FREM2: variants seen among roughly 807,000 people sequenced by gnomAD.
FREM2 encodes the protein FRAS1 related extracellular matrix 2, also known as FRAS1-related extracellular matrix protein 2.
A neutral mutation model predicts 219.9 loss-of-function variants in FREM2; 119 were observed. That is an observed-to-expected ratio of 0.54 (90% CI 0.47 to 0.63). The LOEUF (loss-of-function observed/expected upper bound fraction) is 0.63, where lower values mean the gene tolerates loss of function less well. Ranked by LOEUF, FREM2 falls within the 30% of genes least tolerant of loss-of-function variation. The pLI is 0.00. For missense variants in FREM2, 4,030 were observed against 3,993.6 expected, an observed-to-expected ratio of 1.01 and a Z score of -0.25; for synonymous variants, 1,562 against 1,522.8, an observed-to-expected ratio of 1.03 and a Z score of -0.60.
chr13:38,734,528 A>G (rs1442190918), intron 2 of FREM2, among the ~76,000 whole-genome samples: 1 of 152,124 alleles, frequency 6.6e-6, no homozygotes, highest in Admixed American at 6.6e-5. Flanking sequence ...TCTATTTTTA[A>G]AAAAATTGTT....
chr13:38,742,833 C>G (rs1189888062), intron 2 of FREM2, among the ~76,000 whole-genome samples: 2 of 152,122 alleles, frequency 1.3e-5, no homozygotes, highest in Non-Finnish European at 2.9e-5. Context: ...TTCTACTGAA[C>G]CAACAACATG....
intron 6 of FREM2, among the ~76,000 whole-genome samples, chr13:38,824,298 CGGTGTCTAATTCTGGCTCTGTCTTATAA>C (rs1029373632): frequency 1.3e-5 from 2 of 152,018 alleles, no homozygotes; most frequent in African/African-American, 4.8e-5. Context: ...CCATATTGCT[CGGTGTCTAATTCTGGCTCTGTCTTATAA>C]GGTATATGTT....
intron 6 of FREM2, among the ~76,000 whole-genome samples, chr13:38,788,353 T>C (rs991237799): frequency 6.6e-6 from 1 of 152,094 alleles, no homozygotes. Flanking sequence ...AATAAGAAAT[T>C]TAATAAGAAA....
At chr13:38,739,602 A>G (rs1872153380) in intron 2 of FREM2, among the ~76,000 whole-genome samples, 1 of 151,780 alleles carries the variant, frequency 6.6e-6, no homozygotes, top group South Asian at 2.1e-4. Flanking sequence ...ACTCAACCAA[A>G]CTCCCAAATT....
At chr13:38,778,952 G>A (rs1013700827) in intron 4 of FREM2, among the ~76,000 whole-genome samples, 4 of 152,076 alleles carry the variant, frequency 2.6e-5, no homozygotes, top group African/African-American at 4.8e-5. Flanking sequence ...TTGAATATTT[G>A]ACTTGAATTT....
intron 6 of FREM2, among the ~76,000 whole-genome samples, chr13:38,840,644 A>ATATATATATATATGTGTG (rs1184958401): frequency 6.4e-4 from 86 of 134,314 alleles, no homozygotes; most frequent in South Asian, 2.8e-3. Flanking sequence ...ATATATATAT[A>ATATATATATATATGTGTG]TGTGTATGTA....
chr13:38,726,217 A>T (rs998470639), intron 2 of FREM2, among the ~76,000 whole-genome samples: 2 of 152,146 alleles, frequency 1.3e-5, no homozygotes, highest in African/African-American at 4.8e-5. Flanking sequence ...CTCGTTTTTA[A>T]TAATTTCAGC....
In FREM2 at chr13:38,848,581, A is replaced by G. The variant is rs2137908900; in HGVS notation, c.6290A>G (p.Lys2097Arg). 6.2e-7 allele frequency: 1 copy of G among 1,614,078 alleles called. No individual in the cohort carries two copies. Among genetic ancestry groups the G allele is most frequent in the East Asian group, 2.2e-5 (1 of 44,872 alleles). Residue 2097 changes from lysine to arginine, a missense_variant, in exon 8 of 24, where the codon AAA (lysine) becomes AGA (arginine). Physicochemically the swap from Lys to Arg is conservative, Grantham distance 26 (BLOSUM62 2). Around this residue, in one of 2 missense-constraint regions of FREM2, gnomAD observed 3,102 missense variants for 2,950.7 expected, o/e 1.05. Transcript: ENST00000280481. ...LGQPALEGIE[K>R]FELVLRMPMN... The stretch of plus-strand genomic sequence containing the variant: ...CAACCAGCGCTGGAGGGAATTGAGA[A>G]ATTTGAACTGGTGCTTCGCATGCCT...
chr13:38,836,276 A>C (rs1325151979), intron 6 of FREM2, among the ~76,000 whole-genome samples: 1 of 152,226 alleles, frequency 6.6e-6, no homozygotes, highest in East Asian at 1.9e-4. Context: ...CCAGCCTTGC[A>C]TCCCAGGGAA....
At chr13:38,827,213 C>T (rs913640724) in intron 6 of FREM2, among the ~76,000 whole-genome samples, 2 of 151,996 alleles carry the variant, frequency 1.3e-5, no homozygotes, top group Admixed American at 6.6e-5. Context: ...GTTATTTAAC[C>T]TCTCTGAGTC....
rs1872526393 is a variant in FREM2 at position 38,747,391 on chromosome 13, TAA to T, written c.5264-16912_5264-16911del. Among the ~76,000 whole-genome samples, 6 of 90,056 alleles carry T rather than the reference TAA, an allele frequency of 6.7e-5. No individual in the cohort carries two copies. In the South Asian group the frequency reaches 1.4e-3, roughly 20 times the overall value. The allele number at this position is 90,056 out of a possible 152,430, so 59.1% of individuals were successfully genotyped here. ...GTTTCTTGAGGGCATAAAGCTGATA[TAA>T]TATGTGTGTGTGTGTGTGTGTGTGT... On this transcript the variant is annotated intron_variant, in intron 2 of 23. Transcript: ENST00000280481.
intron 2 of FREM2, among the ~76,000 whole-genome samples, chr13:38,716,714 G>A (rs559606715): frequency 1.3e-5 from 2 of 152,238 alleles, no homozygotes; most frequent in Non-Finnish European, 2.9e-5. Flanking sequence ...CACCATGTTG[G>A]CCAGTCTAGT....
chr13:38,783,010 T>G, intron 4 of FREM2, 60 bp from the exon 5 acceptor site: 1 of 1,589,220 alleles, frequency 6.3e-7, no homozygotes, highest in Non-Finnish European at 8.6e-7. Flanking sequence ...TTCTGTATGA[T>G]TGTTTCAGAG....
At position 38,784,765 on chromosome 13, in the gene FREM2, G is replaced by C. The variant is rs1874259800; in HGVS notation, c.5976G>C (p.Glu1992Asp). The C allele has an allele frequency of 1.9e-6, 3 of 1,614,168 alleles. No homozygotes were observed. The highest frequency in any genetic ancestry group is 2.5e-6 in the Non-Finnish European group (3 of 1,179,994). Residue 1992 changes from glutamate to aspartate, a missense_variant, in exon 6 of 24, where the codon GAG becomes GAC. Transcript: ENST00000280481. ...SMPMGGRIGS[E>D]FPGAQVTIVP... ...CCATGGGGGGAAGAATCGGATCAGAGTTCCCAGGGGCTCAAGTTACAATCG... is the reference window on the plus strand; with the variant it reads ...CCATGGGGGGAAGAATCGGATCAGACTTCCCAGGGGCTCAAGTTACAATCG...
At chr13:38,781,337 G>C (rs1207170902) in intron 4 of FREM2, among the ~76,000 whole-genome samples, 1 of 152,040 alleles carries the variant, frequency 6.6e-6, no homozygotes, top group Non-Finnish European at 1.5e-5. Flanking sequence ...AATTCTACCA[G>C]AGACTTTTTT....
intron 2 of FREM2, among the ~76,000 whole-genome samples, chr13:38,762,443 A>G (rs966156907): frequency 2.1e-5 from 2 of 95,364 alleles, no homozygotes; most frequent in Non-Finnish European, 2.9e-5. Flanking sequence ...CTGCTCTCCA[A>G]TCTTTTTTTT....
chr13:38,766,195 A>T (rs1027452802), intron 3 of FREM2, among the ~76,000 whole-genome samples: 1 of 152,048 alleles, frequency 6.6e-6, no homozygotes, highest in Non-Finnish European at 1.5e-5. Context: ...TTGTAAAATT[A>T]TTTTTTTGCC....
rs750106928 is a variant in FREM2, at chr13:38,687,680, C to T, written c.336C>T (p.Asn112=). Residue 112 remains asparagine, a synonymous_variant, in exon 1 of 24, where the codon AAC becomes AAT. Transcript: ENST00000280481. ...GCTGCGCGGTTTCGGTACTAGACAA[C>T]GACGCACTGGCCCAGCGACCGGGCC... The part of the protein sequence containing the change: ...GDRCAVSVLD[N]DALAQRPGRL... The T allele has an allele frequency of 1.9e-6, 3 of 1,588,614 alleles. No homozygotes were observed. The highest frequency in any genetic ancestry group is 1.3e-5 in the African/African-American group (1 of 74,210).
At chr13:38,771,055 A>T (rs1471675820) in intron 4 of FREM2, among the ~76,000 whole-genome samples, 2 of 152,224 alleles carry the variant, frequency 1.3e-5, no homozygotes, top group Non-Finnish European at 2.9e-5. Context: ...TACAGAGTAC[A>T]TGAAATGGAG....
Sources: allele counts gnomAD v4.1 joint callset (sites outside exome capture counted in the v4.1 genomes callset), GRCh38; gene constraint gnomAD v4.1.1; regional missense constraint gnomAD v4.1.1; transcripts MANE v1.5; gene names NCBI Gene and HGNC (gene_info 2026-07-23, HGNC 2026-07-21).